RARB: variants seen among roughly 807,000 people sequenced by gnomAD.
The protein encoded by RARB is HBV-activated protein.
A neutral mutation model predicts 51.9 loss-of-function variants in RARB; 17 were observed. That is an observed-to-expected ratio of 0.33 (90% confidence interval 0.22 to 0.49). The LOEUF is 0.49. Ranked by LOEUF, RARB falls within the 20% of genes least tolerant of loss-of-function variation. The pLI, the probability that RARB is intolerant of heterozygous loss-of-function variation, is 0.99. For missense variants in RARB, 369 were observed against 550.8 expected, an observed-to-expected ratio of 0.67 and a Z score of 3.30; for synonymous variants, 215 against 195.4, an observed-to-expected ratio of 1.10 and a Z score of -0.84.
At chr3:25,005,596 A>C (rs1342813722) in intron 2 of RARB, among the ~76,000 whole-genome samples, 1 of 152,146 alleles carries the variant, frequency 6.6e-6, no homozygotes, top group Non-Finnish European at 1.5e-5. Flanking sequence ...GGAAGCCACA[A>C]TATTGTTTAT....
At chr3:25,428,065 G>C (rs1159084894), upstream of RARB, among the ~76,000 whole-genome samples, 1 of 152,174 alleles carries the variant, frequency 6.6e-6, no homozygotes, top group African/African-American at 2.4e-5. Context: ...AAATAGGAAA[G>C]AAAACGCCGG....
chr3:25,418,979 T>C (rs1707784215), intron 5 of RARB, among the ~76,000 whole-genome samples: 1 of 148,912 alleles, frequency 6.7e-6, no homozygotes, highest in South Asian at 2.1e-4. Flanking sequence ...ATTGATTTAA[T>C]GTAAGTTTTA....
In RARB at chr3:24,933,239, G is replaced by C. The variant is rs920889571; in HGVS notation, c.-380+74487G>C. 1.3e-5 allele frequency among the ~76,000 whole-genome samples: 2 copies of C among 151,556 alleles called. 1 individual carries two copies. Among genetic ancestry groups the C allele is most frequent in the Admixed American group, 1.3e-4 (2 of 15,196 alleles). ...TTTAGTCTCTGAAATGAGAATCATTGGTTTTCGATTTGAGGAAAAACCATA... is the reference window on the plus strand; with the variant it reads ...TTTAGTCTCTGAAATGAGAATCATTCGTTTTCGATTTGAGGAAAAACCATA... On this transcript the variant is annotated intron_variant, in intron 2 of 11. Transcript: ENST00000383772.
Position 25,176,334 on chromosome 3 carries a change from TTTCCTTCCTTCC to T in RARB, c.178+1802_178+1813del, listed in dbSNP as rs71057701. On this transcript the variant is annotated intron_variant, in intron 5 of 11. Transcript: ENST00000383772. ...CTTTCTTTCTTTCTTTCTTTCTTTC[TTTCCTTCCTTCC>T]TTCCTTCCTTCCTTCCTTCCTTCCT... is the stretch of plus-strand genomic sequence containing the variant. Among the ~76,000 whole-genome samples the T allele has an allele frequency of 4.6e-3, 502 of 108,364 alleles. 19 individuals are homozygous for T. Among genetic ancestry groups the T allele is most frequent in the East Asian group, 0.011 (38 of 3,438 alleles). The allele number at this position is 108,364 out of a possible 152,430, so 71.1% of individuals were successfully genotyped here.
intron 5 of RARB, among the ~76,000 whole-genome samples, chr3:25,400,439 T>C (rs187916667): frequency 3.3e-5 from 5 of 152,330 alleles, no homozygotes; most frequent in Admixed American, 3.3e-4. Context: ...TCAAGCATTG[T>C]GACGTGTTGT....
intron 4 of RARB, among the ~76,000 whole-genome samples, chr3:25,139,031 C>A (rs754213657): frequency 6.6e-6 from 1 of 152,034 alleles, no homozygotes; most frequent in Non-Finnish European, 1.5e-5. Context: ...TTTGAGGGCA[C>A]AAAGAACCAT....
At chr3:25,027,800 G>A (rs544567149) in intron 2 of RARB, among the ~76,000 whole-genome samples, 1 of 152,286 alleles carries the variant, frequency 6.6e-6, no homozygotes, top group South Asian at 2.1e-4. Context: ...GGCGGCCCCA[G>A]AGGAGTTCTG....
chr3:25,243,720 A>G (rs1702486544), intron 5 of RARB, among the ~76,000 whole-genome samples: 1 of 152,112 alleles, frequency 6.6e-6, no homozygotes, highest in African/African-American at 2.4e-5. Flanking sequence ...CCAGTATTTT[A>G]TTGAGGATTT....
In RARB at chr3:24,915,784, A is replaced by G. The variant is rs567232715; in HGVS notation, c.-380+57032A>G. ...TTCTTCTGGGAATGCTAATATGTTG[A>G]TCCTGGGTCTATACAAATGTAGGTG... On this transcript the variant is annotated intron_variant, in intron 2 of 11. Transcript: ENST00000383772. 3.3e-5 allele frequency among the ~76,000 whole-genome samples: 5 copies of G among 152,164 alleles called. No individual in the cohort carries two copies. The East Asian group carries it at 9.7e-4, about 30-fold the overall frequency.
intron 2 of RARB, among the ~76,000 whole-genome samples, chr3:25,048,765 T>TTTTC: frequency 6.8e-6 from 1 of 146,536 alleles, no homozygotes; most frequent in African/African-American, 2.5e-5. Flanking sequence ...TTTTTTTTTT[T>TTTTC]TTTTTTTTGA....
At chr3:25,503,544 G>A (rs1238024799) in intron 3 of RARB, among the ~76,000 whole-genome samples, 1 of 152,064 alleles carries the variant, frequency 6.6e-6, no homozygotes, top group Non-Finnish European at 1.5e-5. Context: ...TACACCCACA[G>A]GAAAACTCCA....
At chr3:25,470,445 G>C (rs1695629566) in intron 2 of RARB, among the ~76,000 whole-genome samples, 1 of 152,154 alleles carries the variant, frequency 6.6e-6, no homozygotes, top group Non-Finnish European at 1.5e-5. Flanking sequence ...GGATCCCTCT[G>C]ACACATTCAT....
intron 5 of RARB, among the ~76,000 whole-genome samples, chr3:25,229,847 AAG>A (rs1219978561): frequency 6.6e-6 from 1 of 152,146 alleles, no homozygotes; most frequent in Non-Finnish European, 1.5e-5. Flanking sequence ...CAGTTGTGAC[AAG>A]AGAGGTAATG....
intron 2 of RARB, among the ~76,000 whole-genome samples, chr3:24,956,256 T>C (rs558403175): frequency 1.3e-5 from 2 of 152,282 alleles, no homozygotes; most frequent in East Asian, 3.9e-4. Flanking sequence ...ACAATGAAGA[T>C]AATAATCAGA....
At position 24,873,184 on chromosome 3, in the gene RARB, C is replaced by T. The variant is rs193079317; in HGVS notation, c.-380+14432C>T. On this transcript the variant is annotated intron_variant, in intron 2 of 11. Transcript: ENST00000383772. ...CCTGTTCTACATTTGATTTATTATG[C>T]TTATCTTTTTGTAAGGTTAGAATTA... 2.2e-4 allele frequency among the ~76,000 whole-genome samples: 33 copies of T among 152,244 alleles called. 1 individual carries two copies. Among genetic ancestry groups the T allele is most frequent in the Non-Finnish European group, 5.9e-5 (4 of 68,014 alleles).
intron 5 of RARB, among the ~76,000 whole-genome samples, chr3:25,286,048 C>T (rs1387723001): frequency 6.6e-6 from 1 of 151,806 alleles, no homozygotes; most frequent in Non-Finnish European, 1.5e-5. Flanking sequence ...TAGCCACCCA[C>T]CCCCATTCAA....
intron 5 of RARB, among the ~76,000 whole-genome samples, chr3:25,227,138 T>C (rs1341142877): frequency 6.6e-6 from 1 of 152,210 alleles, no homozygotes; most frequent in African/African-American, 2.4e-5. Context: ...GAGATGTTCT[T>C]TGATGGGCTC....
intron 2 of RARB, among the ~76,000 whole-genome samples, chr3:25,500,742 G>T (rs929831085): frequency 1.3e-5 from 2 of 152,032 alleles, no homozygotes; most frequent in African/African-American, 4.8e-5. Flanking sequence ...GCCTCCCAAA[G>T]TGCTGGGATT....
intron 3 of RARB, among the ~76,000 whole-genome samples, chr3:25,076,471 G>C (rs1698872760): frequency 6.6e-6 from 1 of 152,134 alleles, no homozygotes; most frequent in African/African-American, 2.4e-5. Flanking sequence ...CTAGAAATCT[G>C]TGGCTATTTT....
Sources: allele counts gnomAD v4.1 joint callset (sites outside exome capture counted in the v4.1 genomes callset), GRCh38; gene constraint gnomAD v4.1.1; transcripts MANE v1.5; gene names NCBI Gene and HGNC (gene_info 2026-07-23, HGNC 2026-07-21).